The following ADCY2 variants were observed in gnomAD, a reference collection of about 807,000 sequenced individuals.
ADCY2 encodes the protein adenylate cyclase 2, also known as adenylate cyclase type 2.
ADCY2 carries 31 observed loss-of-function variants against 125.2 expected under a neutral mutation model. That is an observed-to-expected ratio of 0.25 (90% CI 0.19 to 0.33). ADCY2 has a LOEUF of 0.33. Among genes scored for constraint, ADCY2 ranks in the 10% least tolerant of loss-of-function variants. ADCY2 has a pLI of 1.00. For synonymous variants in ADCY2, 512 were observed against 548.4 expected (o/e 0.93, Z 0.93); for missense variants, 904 against 1,418.2 (o/e 0.64, Z 5.82).
At chr5:7,569,409 A>G (rs184735513) in intron 3 of ADCY2, among the ~76,000 whole-genome samples, 3 of 152,206 alleles carry the variant, frequency 2.0e-5, no homozygotes, top group Non-Finnish European at 4.4e-5. Flanking sequence ...AGTTCATCCA[A>G]AATAATTTGG....
intron 14 of ADCY2, among the ~76,000 whole-genome samples, chr5:7,734,512 C>T (rs1579371151): frequency 6.6e-6 from 1 of 152,210 alleles, no homozygotes; most frequent in Non-Finnish European, 1.5e-5. Flanking sequence ...TTTTTCTTGC[C>T]TCATGACAGG....
intron 4 of ADCY2, among the ~76,000 whole-genome samples, chr5:7,654,725 A>T (rs762415251): frequency 6.6e-6 from 1 of 152,158 alleles, no homozygotes; most frequent in Non-Finnish European, 1.5e-5. Context: ...GCAAACACAG[A>T]GGGGTGGAAA....
intron 18 of ADCY2, among the ~76,000 whole-genome samples, chr5:7,777,706 A>G (rs926979893): frequency 6.6e-6 from 1 of 152,276 alleles, no homozygotes; most frequent in Admixed American, 6.5e-5. Flanking sequence ...CTCATGGGCA[A>G]GCCAACAAGA....
intron 3 of ADCY2, among the ~76,000 whole-genome samples, chr5:7,530,118 A>G (rs1165873046): frequency 2.0e-5 from 3 of 151,958 alleles, no homozygotes; most frequent in Non-Finnish European, 4.4e-5. Context: ...GCAATGGCCA[A>G]CCTCCTTGTT....
At position 7,556,981 on chromosome 5, in the gene ADCY2, C is replaced by T. The variant is rs146306554; in HGVS notation, c.570+36082C>T. Among the ~76,000 whole-genome samples, 1,127 of 151,776 alleles carry T rather than the reference C, an allele frequency of 7.4e-3. 13 individuals carry two copies. Among genetic ancestry groups the T allele is most frequent in the African/African-American group, 0.026 (1,061 of 41,318 alleles). On this transcript the variant is annotated intron_variant, in intron 3 of 24. Coordinates refer to ENST00000338316, the MANE Select transcript of ADCY2 (RefSeq NM_020546.3). ...CCAAAGAGCACCAACTACAAAGAAA[C>T]GATAGATGATTTTAGTTCACTAAAA...
intron 2 of ADCY2, among the ~76,000 whole-genome samples, chr5:7,480,203 G>A (rs181684915): frequency 3.2e-3 from 484 of 152,222 alleles, no homozygotes; most frequent in African/African-American, 0.011. Context: ...AAGACAGTGT[G>A]GTGATTCCTC....
intron 3 of ADCY2, among the ~76,000 whole-genome samples, chr5:7,579,576 C>T (rs1051467767): frequency 1.3e-5 from 2 of 152,116 alleles, no homozygotes; most frequent in Non-Finnish European, 2.9e-5. Context: ...AGCTGCTGCC[C>T]GCTGTGGGAG....
chr5:7,721,125 AT>A (rs1468025684), intron 12 of ADCY2, among the ~76,000 whole-genome samples: 1 of 152,010 alleles, frequency 6.6e-6, no homozygotes, highest in African/African-American at 2.4e-5. Context: ...TTTGGTTTTG[AT>A]TTGCATTTCT....
chr5:7,820,470 G>A, intron 23 of ADCY2, 95 bp from the exon 24 acceptor site: 1 of 1,469,478 alleles, frequency 6.8e-7, no homozygotes, highest in East Asian at 2.6e-5. Flanking sequence ...CTCCAGCCTG[G>A]GTGACAGAAT....
chr5:7,670,617 G>C (rs1374961074), intron 4 of ADCY2, among the ~76,000 whole-genome samples: 6 of 152,136 alleles, frequency 3.9e-5, no homozygotes, highest in Admixed American at 3.9e-4. Flanking sequence ...TTGACACCAG[G>C]GACGGGTTTT....
At chr5:7,492,995 TCAGC>T (rs1421226861) in intron 2 of ADCY2, among the ~76,000 whole-genome samples, 2 of 152,136 alleles carry the variant, frequency 1.3e-5, no homozygotes, top group African/African-American at 4.8e-5. Context: ...GCTCTTGTGC[TCAGC>T]CGGGGTTCTG....
At chr5:7,511,038 G>C (rs1159367057) in intron 2 of ADCY2, among the ~76,000 whole-genome samples, 3 of 152,090 alleles carry the variant, frequency 2.0e-5, no homozygotes, top group African/African-American at 4.8e-5. Context: ...CCTCCTTGGG[G>C]CTTCCCTACT....
intron 4 of ADCY2, among the ~76,000 whole-genome samples, chr5:7,637,890 T>C (rs1738564479): frequency 6.6e-6 from 1 of 152,220 alleles, no homozygotes; most frequent in Non-Finnish European, 1.5e-5. Context: ...GCAGTTTAAC[T>C]ACAAGCACAA....
At chr5:7,748,994 G>C (rs1579387718) in intron 15 of ADCY2, among the ~76,000 whole-genome samples, 1 of 152,306 alleles carries the variant, frequency 6.6e-6, no homozygotes, top group African/African-American at 2.4e-5. Flanking sequence ...TGCAGAGGGT[G>C]CCAGGCTGTG....
At chr5:7,704,350 A>G (rs1206924967) in intron 7 of ADCY2, among the ~76,000 whole-genome samples, 1 of 152,194 alleles carries the variant, frequency 6.6e-6, no homozygotes, top group African/African-American at 2.4e-5. Flanking sequence ...CCCAGGCACC[A>G]CGGCAGAGGC....
At chr5:7,629,916 A>G (rs1410965525) in intron 4 of ADCY2, among the ~76,000 whole-genome samples, 1 of 152,248 alleles carries the variant, frequency 6.6e-6, no homozygotes, top group Non-Finnish European at 1.5e-5. Flanking sequence ...CCGTAGGAGT[A>G]AAAGCCAGGT....
intron 2 of ADCY2, among the ~76,000 whole-genome samples, chr5:7,480,981 C>T (rs73046326): frequency 0.046 from 7,020 of 152,108 alleles, 365 homozygotes; most frequent in Admixed American, 0.14. Context: ...CCAATTTTCT[C>T]TTTTTGGGGT....
chr5:7,484,177 A>G (rs1041122331), intron 2 of ADCY2, among the ~76,000 whole-genome samples: 2 of 152,194 alleles, frequency 1.3e-5, no homozygotes, highest in Non-Finnish European at 2.9e-5. Flanking sequence ...TATTCTACTT[A>G]TATACTACGG....
chr5:7,421,078 C>T (rs377198862), intron 2 of ADCY2, among the ~76,000 whole-genome samples: 1 of 152,062 alleles, frequency 6.6e-6, no homozygotes, highest in Non-Finnish European at 1.5e-5. Flanking sequence ...ATTGCTGTGG[C>T]GCCCACCAGT....
Sources: gnomAD v4.1 joint callset for allele counts (sites outside exome capture counted in the v4.1 genomes callset) on GRCh38, gnomAD v4.1.1 for gene constraint, MANE v1.5 for transcripts, NCBI Gene and HGNC (gene_info 2026-07-23, HGNC 2026-07-21) for gene names.